Variants in KRABD5 observed in about 807,000 individuals in gnomAD.
KRABD5 encodes KRAB domain-containing protein 5.
the KRABD5 span, among the ~76,000 whole-genome samples, chr16:31,750,448 T>C: frequency 1.3e-5 from 2 of 152,172 alleles, no homozygotes; most frequent in Non-Finnish European, 2.9e-5. Context: ...GGCACAGTCT[T>C]TCCAGGTGTA....
At chr16:31,716,160 T>C in the KRABD5 span, among the ~76,000 whole-genome samples, 19 of 152,180 alleles carry the variant, frequency 1.2e-4, no homozygotes, top group African/African-American at 4.6e-4. Flanking sequence ...TCCTGGCTTA[T>C]CCTTGCCCCC....
the KRABD5 span, chr16:31,713,340 G>T: frequency 6.5e-7 from 1 of 1,546,260 alleles, no homozygotes; most frequent in South Asian, 1.2e-5. Context: ...GCGGCTTCGC[G>T]TTCTGAGAAT....
the KRABD5 span, among the ~76,000 whole-genome samples, chr16:31,716,739 C>A: frequency 6.6e-6 from 1 of 152,302 alleles, no homozygotes; most frequent in African/African-American, 2.4e-5. Context: ...GTGCCTGAAT[C>A]TAGCGCCTGC....
At chr16:31,748,799 G>A in the KRABD5 span, among the ~76,000 whole-genome samples, 1 of 152,156 alleles carries the variant, frequency 6.6e-6, no homozygotes, top group Admixed American at 6.5e-5. Context: ...TGTTGTTGAT[G>A]CTGTTGTTGT....
the KRABD5 span, among the ~76,000 whole-genome samples, chr16:31,731,685 C>A: frequency 1.3e-5 from 2 of 152,310 alleles, no homozygotes; most frequent in South Asian, 4.1e-4. Context: ...ACTTACAGGG[C>A]TACTTTAAGA....
the KRABD5 span, among the ~76,000 whole-genome samples, chr16:31,734,236 T>A: frequency 7.2e-6 from 1 of 138,174 alleles, no homozygotes; most frequent in Non-Finnish European, 1.6e-5. Flanking sequence ...CTCTTCTAAC[T>A]TTTTTTTTTT....
the KRABD5 span, among the ~76,000 whole-genome samples, chr16:31,721,992 A>G: frequency 2.0e-5 from 3 of 152,262 alleles, no homozygotes; most frequent in Non-Finnish European, 4.4e-5. Context: ...TGAGAATTAT[A>G]TACAACTGAT....
the KRABD5 span, chr16:31,760,746 T>G: frequency 6.6e-6 from 1 of 152,176 alleles, no homozygotes; most frequent in Non-Finnish European, 1.5e-5. Context: ...AATACTAAAA[T>G]GAAAAGAATT....
chr16:31,713,534 T>C, the KRABD5 span: 1 of 1,466,898 alleles, frequency 6.8e-7, no homozygotes, highest in Non-Finnish European at 9.1e-7. Context: ...GGGCCCTGAG[T>C]CCCCGCGGAC....
chr16:31,753,650 T>G, the KRABD5 span: 3 of 1,032,076 alleles, frequency 2.9e-6, no homozygotes, highest in Admixed American at 3.3e-5. Flanking sequence ...GGGCCTCAAG[T>G]TTTTGATTCA....
the KRABD5 span, among the ~76,000 whole-genome samples, chr16:31,728,205 G>A: frequency 6.6e-6 from 1 of 152,010 alleles, no homozygotes; most frequent in East Asian, 1.9e-4. Flanking sequence ...GCTTAATCTG[G>A]CCAAAAGTTT....
At chr16:31,735,424 T>A in the KRABD5 span, among the ~76,000 whole-genome samples, 2 of 152,196 alleles carry the variant, frequency 1.3e-5, no homozygotes, top group African/African-American at 4.8e-5. Flanking sequence ...TTTGGATATA[T>A]ACCCAATAGT....
chr16:31,748,196 G>A, the KRABD5 span, among the ~76,000 whole-genome samples: 1 of 152,134 alleles, frequency 6.6e-6, no homozygotes, highest in Non-Finnish European at 1.5e-5. Context: ...TCCAGTTTCA[G>A]CTTTCTACAT....
At chr16:31,738,001 C>T in the KRABD5 span, among the ~76,000 whole-genome samples, 1 of 152,236 alleles carries the variant, frequency 6.6e-6, no homozygotes, top group East Asian at 1.9e-4. Flanking sequence ...TATTCATGGA[C>T]ATGCCATTTT....
chr16:31,719,098 T>C, the KRABD5 span, among the ~76,000 whole-genome samples: 1 of 152,200 alleles, frequency 6.6e-6, no homozygotes, highest in Admixed American at 6.5e-5. Context: ...GAAAAACATT[T>C]GTAGCAGCCA....
chr16:31,722,876 G>GA, the KRABD5 span: 677,993 of 930,276 alleles, frequency 0.73, 246,319 homozygotes, highest in African/African-American at 0.91. Flanking sequence ...CTGTTTCCAG[G>GA]AAAAAAAAAT....
the KRABD5 span, among the ~76,000 whole-genome samples, chr16:31,742,873 G>A: frequency 5.9e-5 from 9 of 152,086 alleles, no homozygotes; most frequent in African/African-American, 2.2e-4. Flanking sequence ...ATGAGATGGT[G>A]TCTCATTATG....
At chr16:31,714,568 TGAAA>T in the KRABD5 span, among the ~76,000 whole-genome samples, 2 of 152,284 alleles carry the variant, frequency 1.3e-5, no homozygotes, top group South Asian at 2.1e-4. Flanking sequence ...TCGATGGACC[TGAAA>T]GAGAGAGCCT....
At chr16:31,716,234 C>G in the KRABD5 span, among the ~76,000 whole-genome samples, 3 of 152,234 alleles carry the variant, frequency 2.0e-5, no homozygotes, top group Non-Finnish European at 4.4e-5. Context: ...ACCACCCAGT[C>G]ATAGTCTCAT....
Sources: allele counts gnomAD v4.1 joint callset (sites outside exome capture counted in the v4.1 genomes callset), GRCh38; gene constraint gnomAD v4.1.1; transcripts MANE v1.5; gene names NCBI Gene and HGNC (gene_info 2026-07-23, HGNC 2026-07-21).